HECW1: variants seen among roughly 807,000 people sequenced by gnomAD.
The protein encoded by HECW1 is HECT, C2 and WW domain containing E3 ubiquitin protein ligase 1.
HECW1 carries 61 observed loss-of-function variants against 182.3 expected under a neutral mutation model. The observed-to-expected ratio is 0.33, with a 90% CI of 0.27 to 0.41. The LOEUF (loss-of-function observed/expected upper bound fraction) is 0.41, where lower values mean the gene tolerates loss of function less well. Among genes scored for constraint, HECW1 ranks in the 10% least tolerant of loss-of-function variants. HECW1 has a pLI of 1.00. For synonymous variants in HECW1, 859 were observed against 832.6 expected (o/e 1.03, Z -0.55); for missense variants, 1,739 against 2,108.9 (o/e 0.82, Z 3.44).
At chr7:43,507,010 C>T (rs950907930) in intron 21 of HECW1, 127 bp from the exon 22 acceptor site, 28 of 1,136,340 alleles carry the variant, frequency 2.5e-5, no homozygotes, top group Non-Finnish European at 3.1e-5. Context: ...GTGGAAGTTG[C>T]GGTAAGCCGA....
chr7:43,464,359 G>A (rs1351373542), intron 14 of HECW1, among the ~76,000 whole-genome samples: 3 of 152,178 alleles, frequency 2.0e-5, no homozygotes, highest in Non-Finnish European at 4.4e-5. Flanking sequence ...AGGTTTTCCA[G>A]CATGCCACAG....
intron 6 of HECW1, 191 bp from the exon 7 acceptor site, chr7:43,396,623 G>GCA: frequency 2.0e-6 from 1 of 506,162 alleles, no homozygotes; most frequent in Non-Finnish European, 3.6e-6. Context: ...ACCCCCACTA[G>GCA]CAGATCCTCT....
chr7:43,385,606 C>T (rs980793548), intron 6 of HECW1, among the ~76,000 whole-genome samples: 16 of 151,904 alleles, frequency 1.1e-4, no homozygotes, highest in African/African-American at 3.9e-4. Context: ...TTCATGTTGC[C>T]CTTGCTAACA....
chr7:43,554,554 C>T (rs994406240), intron 28 of HECW1, 38 bp from the exon 29 acceptor site: 22 of 1,570,838 alleles, frequency 1.4e-5, no homozygotes, highest in African/African-American at 6.8e-5. Context: ...CCTCTTTTCT[C>T]CACATCCTGT....
At chr7:43,495,564 C>T (rs1330901700) in intron 19 of HECW1, among the ~76,000 whole-genome samples, 9 of 152,144 alleles carry the variant, frequency 5.9e-5, no homozygotes, top group Non-Finnish European at 1.0e-4. Flanking sequence ...CCCACTCTGC[C>T]CCTTACAACC....
chr7:43,356,448 T>C (rs1023090649), intron 5 of HECW1, among the ~76,000 whole-genome samples: 1 of 152,070 alleles, frequency 6.6e-6, no homozygotes, highest in Non-Finnish European at 1.5e-5. Context: ...TACACTACAA[T>C]ATGATCATAA....
chr7:43,550,792 G>A (rs998277190), intron 27 of HECW1, among the ~76,000 whole-genome samples: 1 of 152,222 alleles, frequency 6.6e-6, no homozygotes, highest in African/African-American at 2.4e-5. Context: ...AGGGGTCAGA[G>A]TTCTCTGGGA....
chr7:43,332,972 G>C (rs892442675), intron 5 of HECW1, among the ~76,000 whole-genome samples: 4 of 152,322 alleles, frequency 2.6e-5, no homozygotes, highest in African/African-American at 7.2e-5. Context: ...TGATAGGACT[G>C]GGATGGGAAC....
intron 2 of HECW1, among the ~76,000 whole-genome samples, chr7:43,227,107 C>A (rs1343270406): frequency 6.6e-6 from 1 of 152,160 alleles, no homozygotes; most frequent in African/African-American, 2.4e-5. Context: ...TTAATTATTT[C>A]ATTATTTAAT....
At chr7:43,201,610 C>T (rs1036857964) in intron 2 of HECW1, among the ~76,000 whole-genome samples, 2 of 152,196 alleles carry the variant, frequency 1.3e-5, no homozygotes, top group Non-Finnish European at 2.9e-5. Context: ...AGTGGTAAAG[C>T]TGACATTTTC....
intron 5 of HECW1, among the ~76,000 whole-genome samples, chr7:43,323,702 C>T (rs1171957483): frequency 6.6e-6 from 1 of 152,094 alleles, no homozygotes; most frequent in Non-Finnish European, 1.5e-5. Flanking sequence ...AAAGCATATT[C>T]AAACTTGGTC....
chr7:43,307,310 A>G (rs1807702793), intron 3 of HECW1, among the ~76,000 whole-genome samples: 1 of 152,220 alleles, frequency 6.6e-6, no homozygotes, highest in Admixed American at 6.5e-5. Context: ...CTATCAGTTC[A>G]TATTGTCTAT....
chr7:43,434,641 CCTAG>C (rs2076654810), intron 8 of HECW1, among the ~76,000 whole-genome samples: 1 of 152,148 alleles, frequency 6.6e-6, no homozygotes, highest in Admixed American at 6.5e-5. Flanking sequence ...CAGAGCCTGA[CCTAG>C]CTGGGGGTCT....
intron 2 of HECW1, among the ~76,000 whole-genome samples, chr7:43,194,851 A>G (rs56793527): frequency 0.1 from 15,649 of 151,738 alleles, 895 homozygotes; most frequent in East Asian, 0.15. Flanking sequence ...CTGCCCCCAC[A>G]CCTGGCTACT....
At chr7:43,187,987 G>C (rs986186058) in intron 2 of HECW1, among the ~76,000 whole-genome samples, 1 of 152,214 alleles carries the variant, frequency 6.6e-6, no homozygotes, top group African/African-American at 2.4e-5. Context: ...CCCCACTGCT[G>C]CCTTTTTGGC....
intron 24 of HECW1, among the ~76,000 whole-genome samples, chr7:43,530,666 A>G (rs146215048): frequency 6.6e-6 from 1 of 152,292 alleles, no homozygotes; most frequent in Non-Finnish European, 1.5e-5. Context: ...TTGAGCTTCA[A>G]ACTTTATTAT....
At chr7:43,335,400 C>T (rs1811992564) in intron 5 of HECW1, among the ~76,000 whole-genome samples, 1 of 152,202 alleles carries the variant, frequency 6.6e-6, no homozygotes, top group Non-Finnish European at 1.5e-5. Context: ...TGAGTGGGCC[C>T]TCCTAATGGA....
chr7:43,424,896 T>A (rs940242719), intron 8 of HECW1, among the ~76,000 whole-genome samples: 2 of 152,190 alleles, frequency 1.3e-5, no homozygotes, highest in African/African-American at 4.8e-5. Context: ...GTATTATGTA[T>A]CTTGTAAAAG....
At chr7:43,512,448 G>T (rs1393282290) in intron 24 of HECW1, among the ~76,000 whole-genome samples, 1 of 152,132 alleles carries the variant, frequency 6.6e-6, no homozygotes, top group African/African-American at 2.4e-5. Flanking sequence ...CTCTAGTGAG[G>T]CATTATCAGA....
Sources: gnomAD v4.1 joint callset for allele counts (sites outside exome capture counted in the v4.1 genomes callset) on GRCh38, gnomAD v4.1.1 for gene constraint, MANE v1.5 for transcripts, NCBI Gene and HGNC (gene_info 2026-07-23, HGNC 2026-07-21) for gene names.